The following PHF20 variants were observed in gnomAD, a reference collection of about 807,000 sequenced individuals.
The protein encoded by PHF20 is PHD finger protein 20.
Under a neutral mutation model 113.5 loss-of-function variants are expected in PHF20, and 23 were observed. The ratio of observed to expected loss-of-function variants is 0.20; its 90% CI spans 0.15 to 0.29. PHF20 has a LOEUF of 0.29. Ranked by LOEUF, PHF20 falls within the 10% of genes least tolerant of loss-of-function variation. The pLI is 1.00. For missense variants in PHF20, 943 were observed against 1,219.6 expected, an observed-to-expected ratio of 0.77 and a Z score of 3.38; for synonymous variants, 434 against 457.3, an observed-to-expected ratio of 0.95 and a Z score of 0.65.
rs780059085 is a variant in PHF20, at chr20:35,947,594, G to A, written c.3006G>A (p.Lys1002=). 3.7e-6 allele frequency: 6 copies of A among 1,613,978 alleles called. No individual in the cohort carries two copies. Among genetic ancestry groups the A allele is most frequent in the Admixed American group, 1.7e-5 (1 of 60,008 alleles). The stretch of plus-strand genomic sequence containing the variant: ...AGCAGCTGCTGATGGACCTGGGCAA[G>A]GTGCAGCAGATCGCCCTCTGCTGCT... ...CIKQLLMDLG[K]VQQIALCCST The change falls in exon 18 of 18, where the codon AAG becomes AAA. Residue 1002 remains lysine (K), a synonymous_variant. Transcript: ENST00000374012.
At chr20:35,864,406 A>AC (rs2054275975) in intron 6 of PHF20, among the ~76,000 whole-genome samples, 3 of 131,274 alleles carry the variant, frequency 2.3e-5, no homozygotes, top group Non-Finnish European at 1.6e-5. Context: ...CCCCATCTCA[A>AC]AACACACACA....
intron 4 of PHF20, among the ~76,000 whole-genome samples, chr20:35,852,326 C>T (rs1327735897): frequency 2.6e-5 from 4 of 152,072 alleles, no homozygotes; most frequent in African/African-American, 9.7e-5. Context: ...TTTCTGGAGC[C>T]GGTGTTGTCT....
chr20:35,903,717 C>A (rs1227234676), intron 10 of PHF20, among the ~76,000 whole-genome samples: 1 of 152,200 alleles, frequency 6.6e-6, no homozygotes, highest in Non-Finnish European at 1.5e-5. Context: ...GCCTGGCCAC[C>A]AGCCCTGACT....
intron 12 of PHF20, chr20:35,917,091 C>T: frequency 2.9e-6 from 1 of 345,430 alleles, no homozygotes; most frequent in South Asian, 2.4e-5. Flanking sequence ...AAAGGTAGCT[C>T]TGGATACAGA....
chr20:35,911,648 C>T (rs528708158), intron 10 of PHF20, among the ~76,000 whole-genome samples: 104 of 152,048 alleles, frequency 6.8e-4, no homozygotes, highest in Admixed American at 1.8e-3. Flanking sequence ...GAAGAAGAAA[C>T]GACTGGATTT....
chr20:35,931,005 T>C (rs2055741859), intron 14 of PHF20, among the ~76,000 whole-genome samples: 1 of 152,126 alleles, frequency 6.6e-6, no homozygotes, highest in African/African-American at 2.4e-5. Context: ...GGTGCCCAGC[T>C]CACCTCTGGC....
rs756903137 is a variant in PHF20, at chr20:35,847,411, A to G, written c.317A>G (p.Lys106Arg). The change falls in exon 4 of 18, where the codon AAA becomes AGA. Residue 106 changes from lysine (K) to arginine (R), a missense_variant. Lys to Arg is a conservative substitution (Grantham distance 26, BLOSUM62 2). Coordinates refer to ENST00000374012, the MANE Select transcript of PHF20 (RefSeq NM_016436.5). ...CWSDCRFYPAKVTAVNKDGTY... is the reference protein window; with the variant it reads ...CWSDCRFYPARVTAVNKDGTY... ...TCTGATTGTCGTTTTTACCCGGCCAAAGTCACTGCTGTTAACAAGGATGGT... is the reference window on the plus strand; with the variant it reads ...TCTGATTGTCGTTTTTACCCGGCCAGAGTCACTGCTGTTAACAAGGATGGT... The G allele has an allele frequency of 2.7e-5, 43 of 1,612,040 alleles. No homozygotes were observed. The East Asian group carries it at 4.7e-4, about 18-fold the overall frequency.
At chr20:35,943,166 A>G (rs1177368340) in intron 17 of PHF20, among the ~76,000 whole-genome samples, 4 of 152,030 alleles carry the variant, frequency 2.6e-5, no homozygotes, top group Non-Finnish European at 5.9e-5. Flanking sequence ...AGGAATTTGG[A>G]TGTAACATTC....
chr20:35,878,293 A>T (rs1468190598), intron 9 of PHF20, among the ~76,000 whole-genome samples: 1 of 152,208 alleles, frequency 6.6e-6, no homozygotes, highest in African/African-American at 2.4e-5. Flanking sequence ...GATACCTATG[A>T]TACAAGAAAG....
intron 1 of PHF20, chr20:35,800,052 C>T (rs1003276062): frequency 1.3e-5 from 2 of 152,068 alleles, no homozygotes; most frequent in Non-Finnish European, 2.9e-5. Context: ...ATTGGCTTTA[C>T]TGTTTGGTTC....
At chr20:35,873,458 GTTTTTTTGTTTTT>G (rs2054460361) in intron 9 of PHF20, among the ~76,000 whole-genome samples, 1 of 114,570 alleles carries the variant, frequency 8.7e-6, no homozygotes, top group Admixed American at 8.8e-5. Flanking sequence ...TGTTTTGTCT[GTTTTTTTGTTTTT>G]TTTTTTTTTT....
chr20:35,795,691 TC>T (rs1276182311), intron 1 of PHF20, among the ~76,000 whole-genome samples: 1 of 152,132 alleles, frequency 6.6e-6, no homozygotes, highest in African/African-American at 2.4e-5. Context: ...GGGGTAAGAA[TC>T]TGAACTCAGG....
At chr20:35,845,174 A>G (rs1316896344) in intron 3 of PHF20, among the ~76,000 whole-genome samples, 1 of 149,986 alleles carries the variant, frequency 6.7e-6, no homozygotes, top group African/African-American at 2.4e-5. Context: ...TTCAATTAGC[A>G]TATCTTTTGA....
At chr20:35,895,002 C>T (rs7269311) in intron 9 of PHF20, among the ~76,000 whole-genome samples, 44 of 152,038 alleles carry the variant, frequency 2.9e-4, no homozygotes, top group African/African-American at 7.0e-4. Flanking sequence ...TCTACAGGCG[C>T]GCACCATGCC....
At chr20:35,899,213 C>G (rs1208728866) in intron 9 of PHF20, among the ~76,000 whole-genome samples, 157 bp from the exon 10 acceptor site, 1 of 152,084 alleles carries the variant, frequency 6.6e-6, no homozygotes, top group African/African-American at 2.4e-5. Context: ...TGTTTTCATT[C>G]TCTCTAAACA....
intron 15 of PHF20, among the ~76,000 whole-genome samples, chr20:35,934,099 T>C (rs752110490): frequency 6.6e-6 from 1 of 152,246 alleles, no homozygotes; most frequent in Non-Finnish European, 1.5e-5. Context: ...AGTTAAGACT[T>C]GATAGGCTGC....
chr20:35,929,243 T>A (rs1246943724), intron 14 of PHF20, among the ~76,000 whole-genome samples: 1 of 152,234 alleles, frequency 6.6e-6, no homozygotes, highest in African/African-American at 2.4e-5. Context: ...CAGAGCCAGA[T>A]CTCTTGATTT....
intron 9 of PHF20, among the ~76,000 whole-genome samples, chr20:35,890,758 C>T (rs1393093328): frequency 6.6e-6 from 1 of 152,156 alleles, no homozygotes; most frequent in African/African-American, 2.4e-5. Flanking sequence ...TGGCACACAT[C>T]TCTAATCCTA....
intron 1 of PHF20, among the ~76,000 whole-genome samples, chr20:35,801,213 T>C (rs2041774264): frequency 1.3e-5 from 2 of 152,168 alleles, no homozygotes; most frequent in Admixed American, 1.3e-4. Context: ...GTGAAAGCAG[T>C]TGTTTTTTTG....
Sources: allele counts gnomAD v4.1 joint callset (sites outside exome capture counted in the v4.1 genomes callset), GRCh38; gene constraint gnomAD v4.1.1; transcripts MANE v1.5; gene names NCBI Gene and HGNC (gene_info 2026-07-23, HGNC 2026-07-21).